PALM2AKAP2: variants seen among roughly 807,000 people sequenced by gnomAD.
PALM2AKAP2 encodes PALM2 and AKAP2 fusion.
In PALM2AKAP2, 37 loss-of-function variants were observed where a neutral mutation model predicts 71.5. The ratio of observed to expected loss-of-function variants is 0.52; its 90% CI spans 0.40 to 0.68. The LOEUF is 0.68. PALM2AKAP2 is among the 30% of genes least tolerant of loss of function. The pLI, the probability that PALM2AKAP2 is intolerant of heterozygous loss-of-function variation, is 0.00. For missense variants in PALM2AKAP2, 1,224 were observed against 1,191.8 expected (o/e 1.03, Z -0.40); for synonymous variants, 468 against 478.8 (o/e 0.98, Z 0.29).
exon 2 of PALM2AKAP2, chr9:110,137,995 G>C (rs1258078621): frequency 6.2e-7 from 1 of 1,613,836 alleles, no homozygotes; most frequent in Non-Finnish European, 8.5e-7. Flanking sequence ...CCGAGCAGGT[G>C]GATAAAGCTG....
At position 109,942,673 on chromosome 9, in the gene PALM2AKAP2, G is replaced by C. The variant is rs1259664827; in HGVS notation, c.496+10645G>C. On this transcript the variant is annotated intron_variant, in intron 6 of 9. Transcript: ENST00000302798. The stretch of plus-strand genomic sequence containing the variant: ...TTGTAACATGCACTTCCTTTCTCTT[G>C]TTTTCATTCAAGCTGTGTACGCCAT... 6.5e-6 allele frequency: 10 copies of C among 1,530,712 alleles called. No homozygotes were observed. In the South Asian group the frequency reaches 1.2e-4, roughly 18 times the overall value. The allele number at this position is 1,530,712 out of a possible 1,614,324, so 94.8% of individuals were successfully genotyped here. A position where few individuals can be genotyped will look rare whatever the true frequency, so the allele number is the denominator to read the frequency against.
intron 1 of PALM2AKAP2, among the ~76,000 whole-genome samples, chr9:109,707,424 A>T (rs1187828154): frequency 1.3e-5 from 2 of 152,138 alleles, no homozygotes; most frequent in African/African-American, 4.8e-5. Flanking sequence ...TACACTTCAG[A>T]TACAAAGAAG....
intron 3 of PALM2AKAP2, among the ~76,000 whole-genome samples, chr9:110,162,454 GT>G (rs1836625537): frequency 6.6e-6 from 1 of 152,198 alleles, no homozygotes; most frequent in Non-Finnish European, 1.5e-5. Flanking sequence ...GGTTTTTAAA[GT>G]TTCTTTAGGC....
chr9:109,944,349 G>C (rs1463839141), intron 6 of PALM2AKAP2: 1 of 152,096 alleles, frequency 6.6e-6, no homozygotes, highest in South Asian at 2.1e-4. Flanking sequence ...ATCTTGAGAA[G>C]TATCTTTGCA....
chr9:110,041,494 G>T (rs1833511785), intron 7 of PALM2AKAP2, among the ~76,000 whole-genome samples: 1 of 152,070 alleles, frequency 6.6e-6, no homozygotes, highest in African/African-American at 2.4e-5. Context: ...CTTTTAAAGA[G>T]GCTCAAGCAG....
intron 3 of PALM2AKAP2, among the ~76,000 whole-genome samples, 197 bp downstream of exon 3, chr9:109,880,878 A>C (rs1427759286): frequency 1.3e-5 from 2 of 152,076 alleles, no homozygotes; most frequent in Non-Finnish European, 2.9e-5. Context: ...ATAATTTTTT[A>C]TTTTTATTTT....
intron 2 of PALM2AKAP2, among the ~76,000 whole-genome samples, chr9:110,152,559 T>C (rs1455556919): frequency 6.6e-6 from 1 of 152,186 alleles, no homozygotes; most frequent in African/African-American, 2.4e-5. Context: ...AAAAAGAATG[T>C]GATTGAGCTC....
At chr9:109,698,627 C>T (rs758344504) in intron 1 of PALM2AKAP2, among the ~76,000 whole-genome samples, 3 of 152,170 alleles carry the variant, frequency 2.0e-5, no homozygotes, top group Non-Finnish European at 2.9e-5. Flanking sequence ...ATGCTTTACC[C>T]TACCATCTCC....
intron 1 of PALM2AKAP2, among the ~76,000 whole-genome samples, chr9:110,073,504 C>T (rs1240264209): frequency 6.6e-6 from 1 of 152,126 alleles, no homozygotes; most frequent in African/African-American, 2.4e-5. Context: ...GTTGTTTTAT[C>T]TCAGTTAAAA....
At chr9:110,140,378 G>A (rs879614605) in intron 2 of PALM2AKAP2, among the ~76,000 whole-genome samples, 4 of 152,130 alleles carry the variant, frequency 2.6e-5, no homozygotes, top group Non-Finnish European at 4.4e-5. Context: ...TCCCAACCCT[G>A]AAATCGGTCG....
At chr9:109,917,953 A>T (rs775224015) in intron 3 of PALM2AKAP2, among the ~76,000 whole-genome samples, 66 of 152,260 alleles carry the variant, frequency 4.3e-4, no homozygotes, top group East Asian at 9.6e-4. Context: ...CCAAATAAGG[A>T]TTCTGTTAGT....
At chr9:109,948,117 C>T (rs1831553308) in intron 6 of PALM2AKAP2, among the ~76,000 whole-genome samples, 2 of 152,174 alleles carry the variant, frequency 1.3e-5, no homozygotes, top group African/African-American at 2.4e-5. Context: ...GAAAACTTTC[C>T]TGCATTTTCT....
At chr9:110,108,931 C>T (rs1157463397) in intron 1 of PALM2AKAP2, among the ~76,000 whole-genome samples, 1 of 152,056 alleles carries the variant, frequency 6.6e-6, no homozygotes, top group Non-Finnish European at 1.5e-5. Flanking sequence ...GAGTTATTCT[C>T]CATGGGGCTC....
intron 1 of PALM2AKAP2, among the ~76,000 whole-genome samples, chr9:109,831,014 G>A (rs2131536756): frequency 6.6e-6 from 1 of 152,148 alleles, no homozygotes; most frequent in Admixed American, 6.5e-5. Flanking sequence ...ATAAGTTTTT[G>A]AGTCCCCAGA....
intron 3 of PALM2AKAP2, among the ~76,000 whole-genome samples, chr9:109,911,853 G>T (rs528350622): frequency 6.7e-4 from 102 of 152,288 alleles, no homozygotes; most frequent in Non-Finnish European, 1.4e-3. Flanking sequence ...TTGGGAGAAG[G>T]TATAGATAGG....
At chr9:110,044,974 G>C (rs183178835), upstream of PALM2AKAP2, among the ~76,000 whole-genome samples, 1 of 152,146 alleles carries the variant, frequency 6.6e-6, no homozygotes, top group Non-Finnish European at 1.5e-5. Context: ...AGGGAGAAGA[G>C]CTTCTCTCAA....
chr9:109,682,157 C>T (rs1827744777), intron 1 of PALM2AKAP2, among the ~76,000 whole-genome samples: 1 of 152,184 alleles, frequency 6.6e-6, no homozygotes, highest in East Asian at 1.9e-4. Flanking sequence ...TGCCATGCCT[C>T]TGTTTATCCT....
At chr9:110,030,242 C>A (rs1014199327) in intron 7 of PALM2AKAP2, among the ~76,000 whole-genome samples, 1 of 152,158 alleles carries the variant, frequency 6.6e-6, no homozygotes, top group East Asian at 1.9e-4. Context: ...ACTTGAAGAA[C>A]CAACAGTGAC....
intron 1 of PALM2AKAP2, among the ~76,000 whole-genome samples, chr9:109,782,083 G>A (rs1416370137): frequency 1.3e-5 from 2 of 152,202 alleles, no homozygotes; most frequent in Admixed American, 1.3e-4. Flanking sequence ...CAGCTTTACT[G>A]GATGCCTGAG....
Sources: allele counts gnomAD v4.1 joint callset (sites outside exome capture counted in the v4.1 genomes callset), GRCh38; gene constraint gnomAD v4.1.1; transcripts MANE v1.5; gene names NCBI Gene and HGNC (gene_info 2026-07-23, HGNC 2026-07-21).